The following SLC18A2 variants were observed in gnomAD, a reference collection of about 807,000 sequenced individuals.
SLC18A2 encodes synaptic vesicular amine transporter.
In SLC18A2, 33 loss-of-function variants were observed where a neutral mutation model predicts 59.2. The ratio of observed to expected loss-of-function variants is 0.56; its 90% CI spans 0.42 to 0.75. The LOEUF (loss-of-function observed/expected upper bound fraction) is 0.75. SLC18A2 is among the 30% of genes least tolerant of loss of function. The pLI is 0.00. For synonymous variants in SLC18A2, 228 were observed against 253.5 expected (o/e 0.90, Z 0.95); for missense variants, 569 against 668.6 (o/e 0.85, Z 1.64).
At chr10:117,254,271 C>A in intron 5 of SLC18A2, 134 bp from the exon 6 acceptor site, 1 of 1,158,536 alleles carries the variant, frequency 8.6e-7, no homozygotes, top group Non-Finnish European at 1.2e-6. Flanking sequence ...TTGGGTTCTG[C>A]TTGGTCTTAC....
chr10:117,277,329 A>G lies in SLC18A2; in HGVS notation c.*63A>G. 2 of 1,003,552 alleles carry G rather than the reference A, an allele frequency of 2.0e-6. No homozygotes were observed. Among genetic ancestry groups the G allele is most frequent in the African/African-American group, 1.6e-5 (1 of 62,782 alleles). 62.2% of individuals were successfully genotyped at this position (1,003,552 alleles called of 1,614,324 possible). Reference sequence around the variant, plus strand: ...ATAAAACAGTGTTTCCAGTGACACAACTCATCCAGAACTGTCTTAGTCATA... The same window carrying G: ...ATAAAACAGTGTTTCCAGTGACACAGCTCATCCAGAACTGTCTTAGTCATA... On this transcript the variant is annotated 3_prime_UTR_variant, in exon 16 of 16. Transcript: ENST00000644641.
At chr10:117,243,689 G>A (rs1186706840) in intron 2 of SLC18A2, among the ~76,000 whole-genome samples, 2 of 152,152 alleles carry the variant, frequency 1.3e-5, no homozygotes, top group Non-Finnish European at 2.9e-5. Flanking sequence ...AGGTTCAAGC[G>A]ATCCTCCTTT....
intron 15 of SLC18A2, among the ~76,000 whole-genome samples, chr10:117,270,849 C>G (rs892800202): frequency 1.3e-5 from 2 of 152,116 alleles, no homozygotes; most frequent in African/African-American, 2.4e-5. Flanking sequence ...TTCTCATAAC[C>G]CTTACAGCAT....
In SLC18A2 at chr10:117,260,455, C is replaced by T. The variant is rs191479849; in HGVS notation, c.991+2563C>T. Reference sequence around the variant, plus strand: ...CTGCTCACTTCTTCCTCGTATTGTCCCTTCTCCTCTCCCACTCTGTTTGTC... The same window carrying T: ...CTGCTCACTTCTTCCTCGTATTGTCTCTTCTCCTCTCCCACTCTGTTTGTC... On this transcript the variant is annotated intron_variant, in intron 10 of 15. Coordinates refer to ENST00000644641, the MANE Select transcript of SLC18A2 (RefSeq NM_003054.6). Among the ~76,000 whole-genome samples, 317 of 150,092 alleles carry T rather than the reference C, an allele frequency of 2.1e-3. 1 individual carries two copies. The highest frequency in any genetic ancestry group is 3.6e-3 in the Non-Finnish European group (245 of 67,468).
At chr10:117,251,216 C>T (rs1844158689) in intron 3 of SLC18A2, among the ~76,000 whole-genome samples, 1 of 152,140 alleles carries the variant, frequency 6.6e-6, no homozygotes, top group African/African-American at 2.4e-5. Context: ...GTGTTTATTC[C>T]AGGACAGCCC....
chr10:117,259,025 G>A (rs926171937), intron 10 of SLC18A2, among the ~76,000 whole-genome samples: 6 of 152,010 alleles, frequency 3.9e-5, no homozygotes, highest in Admixed American at 6.6e-5. Context: ...CCGTTGCAGC[G>A]CCACATAGAA....
At position 117,253,403 on chromosome 10, in the gene SLC18A2, G is replaced by A. The variant is rs1844185924; in HGVS notation, c.469G>A (p.Gly157Ser). The change falls in exon 4 of 16, where the codon GGC (glycine) becomes AGC (serine). Residue 157 changes from glycine (G) to serine (S), a missense_variant. Coordinates refer to ENST00000644641, the MANE Select transcript of SLC18A2 (RefSeq NM_003054.6). ...PFIGLLTNRI[G>S]YPIPIFAGFC... ...TCTGATGTTTGTGTTTTGCAGAATT[G>A]GCTATCCAATTCCCATATTTGCGGG... The A allele has an allele frequency of 6.2e-7, 1 of 1,612,670 alleles. No homozygotes were observed. Among genetic ancestry groups the A allele is most frequent in the Non-Finnish European group, 8.5e-7 (1 of 1,178,830 alleles).
intron 11 of SLC18A2, 22 bp from the exon 12 acceptor site, chr10:117,266,962 A>T: frequency 6.2e-7 from 1 of 1,610,888 alleles, no homozygotes; most frequent in South Asian, 1.1e-5. Flanking sequence ...TCATTTCTTG[A>T]TGGTGCTTTT....
At chr10:117,246,962 A>C (rs1340360528) in intron 3 of SLC18A2, among the ~76,000 whole-genome samples, 1 of 152,172 alleles carries the variant, frequency 6.6e-6, no homozygotes, top group Non-Finnish European at 1.5e-5. Flanking sequence ...CGAGCAAATA[A>C]ATTTTCATAT....
rs1488173997 is a variant in SLC18A2 at position 117,263,543 on chromosome 10, C to T, written c.992-3190C>T. On this transcript the variant is annotated intron_variant, in intron 10 of 15. Coordinates refer to ENST00000644641, the MANE Select transcript of SLC18A2 (RefSeq NM_003054.6). Reference sequence around the variant, plus strand: ...AAGATGGCAGCCTACCCATCTTCCACGTCGCTCCCTTGCCAGCCTGCCCCC... The same window carrying T: ...AAGATGGCAGCCTACCCATCTTCCATGTCGCTCCCTTGCCAGCCTGCCCCC... Among the ~76,000 whole-genome samples, 4 of 152,334 alleles carry T rather than the reference C, an allele frequency of 2.6e-5. No individual in the cohort carries two copies. The South Asian group carries it at 6.2e-4, about 24-fold the overall frequency.
Position 117,241,733 on chromosome 10 carries a change from G to C in SLC18A2, c.40G>C (p.Glu14Gln). Reference sequence around the variant, plus strand: ...GCTGGCGCTGGTCCGCTGGCTGCAGGAGAGCCGCCGCTCGCGGAAGCTCAT... The same window carrying C: ...GCTGGCGCTGGTCCGCTGGCTGCAGCAGAGCCGCCGCTCGCGGAAGCTCAT... ...SELALVRWLQESRRSRKLILF... is the reference protein window; with the variant it reads ...SELALVRWLQQSRRSRKLILF... Residue 14 changes from glutamate to glutamine, a missense_variant, in exon 2 of 16, where the codon GAG (glutamate) becomes CAG (glutamine). This residue lies in a region of SLC18A2 where 377 missense variants were observed against 389.8 expected (regional missense o/e 0.97). Transcript: ENST00000644641. 9 of 1,607,998 alleles carry C rather than the reference G, an allele frequency of 5.6e-6. No homozygotes were observed. The highest frequency in any genetic ancestry group is 7.6e-6 in the Non-Finnish European group (9 of 1,178,182).
intron 3 of SLC18A2, among the ~76,000 whole-genome samples, chr10:117,244,572 G>A (rs569352423): frequency 7.1e-4 from 108 of 152,198 alleles, no homozygotes; most frequent in Non-Finnish European, 1.4e-3. Flanking sequence ...CACCAAGTGG[G>A]AGGACTTTGG....
chr10:117,273,700 G>A (rs1844452378), intron 15 of SLC18A2, among the ~76,000 whole-genome samples: 1 of 152,152 alleles, frequency 6.6e-6, no homozygotes, highest in African/African-American at 2.4e-5. Context: ...TTCTAGTTAT[G>A]TTAAAGAGAA....
At chr10:117,248,660 T>C (rs567809487) in intron 3 of SLC18A2, among the ~76,000 whole-genome samples, 2 of 152,350 alleles carry the variant, frequency 1.3e-5, no homozygotes, top group East Asian at 3.9e-4. Flanking sequence ...ATTTTAGATA[T>C]ATATGTCCAT....
At position 117,269,547 on chromosome 10, in the gene SLC18A2, G is replaced by A. The variant is rs1844399956; in HGVS notation, c.1187-524G>A. Among the ~76,000 whole-genome samples, 4 of 152,320 alleles carry A rather than the reference G, an allele frequency of 2.6e-5. No homozygotes were observed. The South Asian group carries it at 8.3e-4, about 32-fold the overall frequency. On this transcript the variant is annotated intron_variant, in intron 13 of 15. Coordinates refer to ENST00000644641, the MANE Select transcript of SLC18A2 (RefSeq NM_003054.6). The surrounding 1 kb of genome is among the most constrained non-coding windows in gnomAD (Gnocchi z 5.1). ...TTCCTGGCTCAGACTCCCTGGCTCAGTGAGTGTGGTCAAGCCTCGCCTCTC... is the reference window on the plus strand; with the variant it reads ...TTCCTGGCTCAGACTCCCTGGCTCAATGAGTGTGGTCAAGCCTCGCCTCTC...
rs370944220 is a variant in SLC18A2 at position 117,244,058 on chromosome 10, C to T, written c.209C>T (p.Ser70Phe). Residue 70 changes from serine to phenylalanine, a missense_variant, in exon 3 of 16, where the codon TCC becomes TTC. Physicochemically the swap from Ser to Phe is radical, Grantham distance 155 (BLOSUM62 -2). Coordinates refer to ENST00000644641, the MANE Select transcript of SLC18A2 (RefSeq NM_003054.6). Reference sequence around the variant, plus strand: ...ACGGCCAGGCCAGTGCACACTGCCTCCATCTCAGACAGCTTCCAGAGCATC... The same window carrying T: ...ACGGCCAGGCCAGTGCACACTGCCTTCATCTCAGACAGCTTCCAGAGCATC... Reference protein sequence around the residue: ...IQTARPVHTASISDSFQSIFS... With the variant: ...IQTARPVHTAFISDSFQSIFS... The T allele has an allele frequency of 3.7e-6, 6 of 1,614,170 alleles. No individual in the cohort carries two copies. The South Asian group carries it at 6.6e-5, about 18-fold the overall frequency.
intron 10 of SLC18A2, among the ~76,000 whole-genome samples, chr10:117,262,236 G>A (rs1202703857): frequency 1.4e-5 from 2 of 143,272 alleles, no homozygotes; most frequent in Non-Finnish European, 3.2e-5. Context: ...CGTGAATTGT[G>A]TCATAAAACA....
intron 1 of SLC18A2, 140 bp from the exon 2 acceptor site, chr10:117,241,539 T>C (rs1417119721): frequency 7.8e-6 from 7 of 901,762 alleles, no homozygotes; most frequent in Non-Finnish European, 7.7e-6. Context: ...TCGAGGCAGG[T>C]GAGCCGAGGC....
intron 9 of SLC18A2, 30 bp from the exon 10 acceptor site, chr10:117,257,767 G>A (rs1324742709): frequency 6.8e-7 from 1 of 1,477,888 alleles, no homozygotes; most frequent in Non-Finnish European, 9.2e-7. Flanking sequence ...GGAGGCAGAA[G>A]CCACTACAAA....
Sources: gnomAD v4.1 joint callset for allele counts (sites outside exome capture counted in the v4.1 genomes callset) on GRCh38, gnomAD v4.1.1 for gene constraint, gnomAD v4.1.1 regional missense constraint, Gnocchi (gnomAD v3.1) non-coding constraint, MANE v1.5 for transcripts, NCBI Gene and HGNC (gene_info 2026-07-23, HGNC 2026-07-21) for gene names.